ARL15: variants seen among roughly 807,000 people sequenced by gnomAD.
The protein encoded by ARL15 is ADP-ribosylation factor-like protein 15.
Under a neutral mutation model 25.2 loss-of-function variants are expected in ARL15, and 19 were observed. That is an observed-to-expected ratio of 0.75 (90% CI 0.53 to 1.10). The LOEUF is 1.10. ARL15 is among the 50% of genes least tolerant of loss of function. The pLI is 0.00. For synonymous variants in ARL15, 94 were observed against 86.8 expected (o/e 1.08, Z -0.46); for missense variants, 220 against 246.0 (o/e 0.89, Z 0.71).
intron 4 of ARL15, among the ~76,000 whole-genome samples, chr5:53,909,137 C>T (rs142416456): frequency 8.7e-4 from 132 of 152,146 alleles, no homozygotes; most frequent in African/African-American, 1.7e-3. Context: ...AAAATTTCTC[C>T]TGCTTGCCAG....
At chr5:54,019,768 T>C (rs558782042) in intron 4 of ARL15, among the ~76,000 whole-genome samples, 94 of 152,336 alleles carry the variant, frequency 6.2e-4, no homozygotes, top group African/African-American at 2.2e-3. Flanking sequence ...GAACAAAAAG[T>C]AATATTTATA....
At chr5:54,268,693 C>G (rs927836643) in intron 1 of ARL15, among the ~76,000 whole-genome samples, 7 of 152,138 alleles carry the variant, frequency 4.6e-5, no homozygotes, top group African/African-American at 1.7e-4. Flanking sequence ...ACTAGAAATA[C>G]CATTTGACCC....
At chr5:54,262,739 C>T (rs1057094815) in intron 1 of ARL15, among the ~76,000 whole-genome samples, 1 of 152,086 alleles carries the variant, frequency 6.6e-6, no homozygotes, top group Admixed American at 6.6e-5. Context: ...TTTCATGTTC[C>T]AAACTTTTAA....
chr5:53,897,944 C>T (rs1161820282), intron 4 of ARL15, among the ~76,000 whole-genome samples: 1 of 151,980 alleles, frequency 6.6e-6, no homozygotes, highest in African/African-American at 2.4e-5. Context: ...TGCCAATTAA[C>T]ATAAATTTTG....
At chr5:53,973,729 A>C (rs1747829113) in intron 4 of ARL15, among the ~76,000 whole-genome samples, 1 of 151,912 alleles carries the variant, frequency 6.6e-6, no homozygotes, top group African/African-American at 2.4e-5. Context: ...GTAGAGAAAG[A>C]CCCTGTCTTA....
chr5:54,225,911 C>G (rs1444716365), intron 1 of ARL15, among the ~76,000 whole-genome samples: 1 of 152,156 alleles, frequency 6.6e-6, no homozygotes, highest in South Asian at 2.1e-4. Flanking sequence ...ATAAGGAAAG[C>G]TGATGGAAAT....
At chr5:54,003,796 C>A (rs374829220) in intron 4 of ARL15, among the ~76,000 whole-genome samples, 1 of 151,828 alleles carries the variant, frequency 6.6e-6, no homozygotes. Context: ...GAAAAACAAA[C>A]ACCAAAAAAT....
At chr5:53,896,367 C>T (rs930136794) in intron 4 of ARL15, among the ~76,000 whole-genome samples, 9 of 151,844 alleles carry the variant, frequency 5.9e-5, no homozygotes, top group Admixed American at 5.2e-4. Context: ...AATGTTAAAT[C>T]TTCCAGGGTA....
chr5:53,963,805 T>TCA (rs60458728), intron 4 of ARL15, among the ~76,000 whole-genome samples: 16,419 of 142,978 alleles, frequency 0.11, 907 homozygotes, highest in Middle Eastern at 0.14. Context: ...TGAAACTCCA[T>TCA]CACACACACA....
chr5:54,261,257 G>T (rs970686204), intron 1 of ARL15, among the ~76,000 whole-genome samples: 1 of 152,142 alleles, frequency 6.6e-6, no homozygotes, highest in Non-Finnish European at 1.5e-5. Context: ...CTTGCCAGCT[G>T]CACCCATTAA....
chr5:54,010,992 T>C (rs1199346198), intron 4 of ARL15, among the ~76,000 whole-genome samples: 2 of 125,138 alleles, frequency 1.6e-5, no homozygotes, highest in South Asian at 2.5e-4. Flanking sequence ...AGAGCAAGGC[T>C]CCGTCTCAAA....
chr5:53,897,432 T>G (rs1744909259), intron 4 of ARL15, among the ~76,000 whole-genome samples: 1 of 152,252 alleles, frequency 6.6e-6, no homozygotes, highest in Non-Finnish European at 1.5e-5. Flanking sequence ...TTCATCCCTT[T>G]TTACGGCTGA....
chr5:54,157,073 T>C (rs1754256267), intron 2 of ARL15, among the ~76,000 whole-genome samples: 1 of 152,224 alleles, frequency 6.6e-6, no homozygotes, highest in African/African-American at 2.4e-5. Flanking sequence ...AAGCAGTCTA[T>C]TAGTGGTTAT....
At chr5:54,036,206 C>T (rs1750161392) in intron 4 of ARL15, among the ~76,000 whole-genome samples, 1 of 151,532 alleles carries the variant, frequency 6.6e-6, no homozygotes, top group Non-Finnish European at 1.5e-5. Context: ...TTCTGGGAAT[C>T]AAAGAAAAAC....
chr5:54,083,399 A>G (rs1442632077), intron 4 of ARL15, among the ~76,000 whole-genome samples: 4 of 151,188 alleles, frequency 2.6e-5, no homozygotes, highest in Admixed American at 6.6e-5. Context: ...TAAATATTCT[A>G]TGCAATAGGG....
intron 4 of ARL15, among the ~76,000 whole-genome samples, chr5:53,955,814 A>T (rs1747131977): frequency 6.6e-6 from 1 of 152,134 alleles, no homozygotes; most frequent in African/African-American, 2.4e-5. Flanking sequence ...AGTGTACCTT[A>T]TTTACAAAGA....
Position 54,108,743 on chromosome 5 carries a change from CTCTG to C in ARL15, c.462+4455_462+4458del, listed in dbSNP as rs1229965416. Among the ~76,000 whole-genome samples, 8 of 151,988 alleles carry C rather than the reference CTCTG, an allele frequency of 5.3e-5. No homozygotes were observed. The South Asian group carries it at 8.3e-4, about 16-fold the overall frequency. On this transcript the variant is annotated intron_variant, in intron 4 of 4. Transcript: ENST00000504924. ...GCCCAAGAATTTCAGTCTTTCAAAA[CTCTG>C]TCTGATCCTTTGTAGAAAGGAAAAA...
chr5:54,116,878 A>G (rs1278110742), intron 3 of ARL15, among the ~76,000 whole-genome samples: 87 of 152,344 alleles, frequency 5.7e-4, no homozygotes, highest in Non-Finnish European at 2.9e-5. Context: ...TAAAAAGGCA[A>G]TGAGGCTAAA....
intron 4 of ARL15, among the ~76,000 whole-genome samples, chr5:53,929,598 T>C (rs1746135429): frequency 6.6e-6 from 1 of 152,248 alleles, no homozygotes; most frequent in Non-Finnish European, 1.5e-5. Context: ...TGCCCTTCTA[T>C]TACAATTAGT....
Sources: allele counts gnomAD v4.1 joint callset (sites outside exome capture counted in the v4.1 genomes callset), GRCh38; gene constraint gnomAD v4.1.1; transcripts MANE v1.5; gene names NCBI Gene and HGNC (gene_info 2026-07-23, HGNC 2026-07-21).